The following PKHD1 variants were observed in gnomAD, a reference collection of about 807,000 sequenced individuals.
PKHD1 encodes the protein fibrocystin.
PKHD1 carries 291 observed loss-of-function variants against 412.0 expected under a neutral mutation model. The observed-to-expected ratio is 0.71, with a 90% CI of 0.64 to 0.78. The LOEUF (loss-of-function observed/expected upper bound fraction) is 0.78, where lower values mean the gene tolerates loss of function less well. Among genes scored for constraint, PKHD1 ranks in the 30% least tolerant of loss-of-function variants. The probability of loss-of-function intolerance (pLI) is 0.00; values close to 1 mark genes in which losing one functional copy is unlikely to be tolerated. For synonymous variants in PKHD1, 1,777 were observed against 1,821.5 expected, an observed-to-expected ratio of 0.98 and a Z score of 0.62; for missense variants, 4,825 against 4,950.7, an observed-to-expected ratio of 0.97 and a Z score of 0.76.
chr6:51,792,495 A>C (rs1236129592), intron 52 of PKHD1, among the ~76,000 whole-genome samples: 1 of 152,198 alleles, frequency 6.6e-6, no homozygotes, highest in Non-Finnish European at 1.5e-5. Flanking sequence ...AAGAATGGCC[A>C]TGCCCTCCTG....
chr6:51,638,996 C>G (rs539650074), intron 63 of PKHD1, 40 bp from the exon 64 acceptor site: 10 of 1,364,094 alleles, frequency 7.3e-6, no homozygotes, highest in African/African-American at 5.7e-5. Context: ...TGTTTATTAT[C>G]TAATCTCGAA....
Position 51,746,815 on chromosome 6 carries a change from T to C in PKHD1, c.9904A>G (p.Asn3302Asp). 6.2e-7 allele frequency: 1 copy of C among 1,610,212 alleles called. No individual in the cohort carries two copies. The highest frequency in any genetic ancestry group is 8.5e-7 in the Non-Finnish European group (1 of 1,176,668). The part of the protein sequence containing the change: ...LDVCILPNAE[N>D]SGIMHPITAE... ...GTTATTGGGTGCATAATTCCACTGT[T>C]CTCTGCATTTGGTAGAATGCAGACA... The change falls in exon 59 of 67, where the codon AAC becomes GAC. Residue 3302 changes from asparagine to aspartate, a missense_variant. Transcript: ENST00000371117.
intron 27 of PKHD1, 130 bp from the exon 28 acceptor site, chr6:52,035,851 A>G (rs1803863509): frequency 2.2e-6 from 2 of 902,504 alleles, no homozygotes; most frequent in Non-Finnish European, 1.8e-6. Context: ...CAATGCTCAA[A>G]CTGCAGGAAA....
At chr6:51,794,792 G>A (rs886666051) in intron 52 of PKHD1, among the ~76,000 whole-genome samples, 43 of 152,232 alleles carry the variant, frequency 2.8e-4, no homozygotes, top group African/African-American at 1.0e-3. Flanking sequence ...TTCCCCCACT[G>A]CTTGTTTTTT....
At chr6:51,649,278 A>G in intron 61 of PKHD1, 58 bp from the exon 62 acceptor site, 1 of 1,340,800 alleles carries the variant, frequency 7.5e-7, no homozygotes, top group Non-Finnish European at 1.1e-6. Flanking sequence ...TCCCTATGGT[A>G]GCAATTTTCC....
intron 48 of PKHD1, among the ~76,000 whole-genome samples, chr6:51,861,906 T>C (rs1774252900): frequency 6.6e-6 from 1 of 152,232 alleles, no homozygotes; most frequent in Admixed American, 6.5e-5. Flanking sequence ...GGTGACCATA[T>C]ACCATTGCAT....
chr6:51,921,138 T>C (rs748860070), intron 37 of PKHD1, among the ~76,000 whole-genome samples: 5 of 152,220 alleles, frequency 3.3e-5, no homozygotes, highest in Non-Finnish European at 5.9e-5. Context: ...TTTCCTCTGA[T>C]CTTAGTGATT....
At chr6:51,936,396 T>G (rs1393399684) in intron 36 of PKHD1, among the ~76,000 whole-genome samples, 3 of 151,794 alleles carry the variant, frequency 2.0e-5, no homozygotes, top group African/African-American at 7.3e-5. Context: ...ATAAGAAGAG[T>G]CTTGGTGAGA....
chr6:51,690,537 A>G (rs1044909870), intron 60 of PKHD1, among the ~76,000 whole-genome samples: 8 of 152,194 alleles, frequency 5.3e-5, no homozygotes, highest in African/African-American at 1.9e-4. Flanking sequence ...CTGATATTTG[A>G]TAAACCTGAC....
chr6:51,628,152 G>A (rs747338427), intron 65 of PKHD1, among the ~76,000 whole-genome samples: 2 of 152,028 alleles, frequency 1.3e-5, no homozygotes, highest in Non-Finnish European at 2.9e-5. Context: ...ACTGGGGTTT[G>A]GTGTACAAAT....
chr6:51,693,297 T>G (rs1036187713), intron 60 of PKHD1, among the ~76,000 whole-genome samples: 7 of 152,236 alleles, frequency 4.6e-5, no homozygotes, highest in African/African-American at 1.7e-4. Flanking sequence ...CCTCCATGCC[T>G]CCATGTGAAC....
chr6:52,073,459 T>G lies in PKHD1; in HGVS notation c.527+4A>C. On this transcript the variant is annotated splice_donor_region_variant and intron_variant, in intron 7 of 66. Transcript: ENST00000371117. ...GTTAAACACAAAAACAAACACACACTTACCTATCAATGTACTCAGCATCAA... is the reference window on the plus strand; with the variant it reads ...GTTAAACACAAAAACAAACACACACGTACCTATCAATGTACTCAGCATCAA... 1 of 1,578,898 alleles carries G rather than the reference T, an allele frequency of 6.3e-7. No homozygotes were observed. Among genetic ancestry groups the G allele is most frequent in the Non-Finnish European group, 8.7e-7 (1 of 1,148,128 alleles).
intron 61 of PKHD1, among the ~76,000 whole-genome samples, chr6:51,656,678 TAA>T: frequency 6.6e-6 from 1 of 151,058 alleles, no homozygotes; most frequent in African/African-American, 2.4e-5. Context: ...TTTTTTTTTT[TAA>T]GACAGTATCT....
chr6:51,855,073 C>T (rs1296385921), intron 49 of PKHD1, among the ~76,000 whole-genome samples: 1 of 152,180 alleles, frequency 6.6e-6, no homozygotes, highest in Non-Finnish European at 1.5e-5. Context: ...GATCTTCCGA[C>T]CCATGGGTTG....
At chr6:51,746,941 C>T in intron 58 of PKHD1, 52 bp from the exon 59 acceptor site, 1 of 1,077,464 alleles carries the variant, frequency 9.3e-7, no homozygotes, top group South Asian at 1.4e-5. Context: ...AACCACCAGC[C>T]ACAAATATCG....
intron 37 of PKHD1, among the ~76,000 whole-genome samples, chr6:51,917,618 A>G (rs1266877): frequency 0.71 from 107,531 of 152,048 alleles, 38,448 homozygotes; most frequent in East Asian, 0.94. Flanking sequence ...TGAAGGACAA[A>G]CCAAAGTGTG....
At chr6:51,870,412 G>T in intron 47 of PKHD1, 92 bp downstream of exon 47, 1 of 1,061,748 alleles carries the variant, frequency 9.4e-7, no homozygotes, top group Non-Finnish European at 1.5e-6. Context: ...AACTGAAAGA[G>T]ATAATGATTC....
At chr6:51,895,703 C>A (rs1779803445) in intron 43 of PKHD1, among the ~76,000 whole-genome samples, 1 of 152,102 alleles carries the variant, frequency 6.6e-6, no homozygotes, top group African/African-American at 2.4e-5. Flanking sequence ...TCTACAGCTC[C>A]CAGTGTGAGC....
intron 35 of PKHD1, among the ~76,000 whole-genome samples, chr6:52,002,778 G>C (rs1030736941): frequency 3.3e-5 from 5 of 151,986 alleles, no homozygotes; most frequent in African/African-American, 1.2e-4. Flanking sequence ...AATTAATTAG[G>C]GAATAAAAAG....
Sources: allele counts gnomAD v4.1 joint callset (sites outside exome capture counted in the v4.1 genomes callset), GRCh38; gene constraint gnomAD v4.1.1; transcripts MANE v1.5; gene names NCBI Gene and HGNC (gene_info 2026-07-23, HGNC 2026-07-21).